Variants in NEMP2 observed in about 807,000 individuals in gnomAD.
NEMP2 encodes the protein UPF0571 transmembrane protein.
Under a neutral mutation model 54.2 loss-of-function variants are expected in NEMP2, and 53 were observed. That is an observed-to-expected ratio of 0.98 (90% CI 0.78 to 1.23). The LOEUF (loss-of-function observed/expected upper bound fraction) is 1.23. Among genes scored for constraint, NEMP2 ranks in the 50% most tolerant of loss-of-function variants. The pLI, the probability that NEMP2 is intolerant of heterozygous loss-of-function variation, is 0.00. For synonymous variants in NEMP2, 197 were observed against 190.3 expected (o/e 1.04, Z -0.29); for missense variants, 455 against 511.3 (o/e 0.89, Z 1.06).
chr2:190,618,587 T>A, the NEMP2 span, among the ~76,000 whole-genome samples: 4 of 152,220 alleles, frequency 2.6e-5, no homozygotes, highest in African/African-American at 9.7e-5. Context: ...CTACCTTTTT[T>A]TATTTTTAAT....
chr2:190,607,821 G>A, the NEMP2 span: 1 of 152,012 alleles, frequency 6.6e-6, no homozygotes, highest in South Asian at 2.1e-4. The surrounding 1 kb of genome is among the most constrained non-coding windows in gnomAD (Gnocchi z 5.2). Flanking sequence ...TTTTTCTTTT[G>A]TTGACTCATG....
At chr2:190,592,493 G>A in the NEMP2 span, among the ~76,000 whole-genome samples, 1 of 152,150 alleles carries the variant, frequency 6.6e-6, no homozygotes, top group African/African-American at 2.4e-5. This position sits in a 1 kb window ranked among gnomAD's most constrained non-coding sequence, Gnocchi z 4.4. Context: ...CTGAGTACAG[G>A]AAATAAAGAA....
At chr2:190,451,370 G>T in the NEMP2 span, among the ~76,000 whole-genome samples, 2 of 152,152 alleles carry the variant, frequency 1.3e-5, no homozygotes, top group Non-Finnish European at 2.9e-5. The surrounding 1 kb of genome is among the most constrained non-coding windows in gnomAD (Gnocchi z 5.0). Flanking sequence ...ATGAACAGTA[G>T]GTAGTATTGT....
chr2:190,578,546 A>G, the NEMP2 span, among the ~76,000 whole-genome samples: 52 of 152,172 alleles, frequency 3.4e-4, 1 homozygote, highest in Non-Finnish European at 7.3e-4. This position sits in a 1 kb window ranked among gnomAD's most constrained non-coding sequence, Gnocchi z 4.4. Flanking sequence ...TGATAATGAA[A>G]AGAAGAGGAA....
chr2:190,636,959 A>G, the NEMP2 span, among the ~76,000 whole-genome samples: 1 of 152,312 alleles, frequency 6.6e-6, no homozygotes, highest in East Asian at 1.9e-4. Flanking sequence ...ATGGCTCCCC[A>G]AAAGGGCTAG....
the NEMP2 span, among the ~76,000 whole-genome samples, chr2:190,493,516 C>A: frequency 2.0e-5 from 3 of 152,004 alleles, no homozygotes; most frequent in Non-Finnish European, 4.4e-5. Flanking sequence ...TAAACTATAC[C>A]CTGGAACAAA....
the NEMP2 span, among the ~76,000 whole-genome samples, chr2:190,647,877 G>C: frequency 6.6e-6 from 1 of 151,968 alleles, no homozygotes; most frequent in Non-Finnish European, 1.5e-5. Context: ...ACCACGCCCG[G>C]CTAATTTTGT....
chr2:190,497,470 TC>T, the NEMP2 span: 1 of 1,614,120 alleles, frequency 6.2e-7, no homozygotes, highest in Non-Finnish European at 8.5e-7. The surrounding 1 kb of genome is among the most constrained non-coding windows in gnomAD (Gnocchi z 5.2). Context: ...GAATTCCTGT[TC>T]CCTCCAGTCC....
At chr2:190,483,468 T>C in the NEMP2 span, among the ~76,000 whole-genome samples, 34 of 152,296 alleles carry the variant, frequency 2.2e-4, no homozygotes, top group African/African-American at 7.7e-4. Flanking sequence ...ACTGTACCTA[T>C]TGGAGGAATA....
the NEMP2 span, among the ~76,000 whole-genome samples, chr2:190,458,194 CCCTGAAGATTCATACGTTGAGGTCCTAA>C: frequency 7.4e-4 from 113 of 152,174 alleles, no homozygotes; most frequent in African/African-American, 2.6e-3. This position sits in a 1 kb window ranked among gnomAD's most constrained non-coding sequence, Gnocchi z 5.3. Flanking sequence ...GAATTGTGGC[CCCTGAAGATTCATACGTTGAGGTCCTAA>C]CCCACAGTAC....
chr2:190,601,383 G>A, the NEMP2 span, among the ~76,000 whole-genome samples: 67 of 152,088 alleles, frequency 4.4e-4, no homozygotes, highest in Non-Finnish European at 8.1e-4. The surrounding 1 kb of genome is among the most constrained non-coding windows in gnomAD (Gnocchi z 5.8). Flanking sequence ...TGTTTAAGCC[G>A]CTCGCTTTGT....
chr2:190,616,739 A>G, the NEMP2 span: 2 of 152,118 alleles, frequency 1.3e-5, no homozygotes, highest in African/African-American at 4.8e-5. This position sits in a 1 kb window ranked among gnomAD's most constrained non-coding sequence, Gnocchi z 5.1. Flanking sequence ...TCTCATAAAA[A>G]TTTCTCTTTA....
At chr2:190,627,944 G>GCTCCGCC in the NEMP2 span, 1 of 152,234 alleles carries the variant, frequency 6.6e-6, no homozygotes, top group African/African-American at 2.4e-5. This position sits in a 1 kb window ranked among gnomAD's most constrained non-coding sequence, Gnocchi z 4.4. Flanking sequence ...GGCCACCGCG[G>GCTCCGCC]CTCCGCCCTC....
the NEMP2 span, chr2:190,436,831 A>G: frequency 6.2e-7 from 1 of 1,614,088 alleles, no homozygotes; most frequent in Non-Finnish European, 8.5e-7. This position sits in a 1 kb window ranked among gnomAD's most constrained non-coding sequence, Gnocchi z 5.3. Flanking sequence ...TACCACCACC[A>G]AATCTTTACC....
At chr2:190,545,092 C>A in the NEMP2 span, among the ~76,000 whole-genome samples, 1 of 151,656 alleles carries the variant, frequency 6.6e-6, no homozygotes, top group Non-Finnish European at 1.5e-5. Flanking sequence ...CAAATCAAGA[C>A]CCTGTCTCAA....
chr2:190,536,302 A>G (rs1280442851), upstream of NEMP2, among the ~76,000 whole-genome samples: 2 of 152,310 alleles, frequency 1.3e-5, no homozygotes, highest in Non-Finnish European at 1.5e-5. Flanking sequence ...TTTACCACCA[A>G]CAGGATCCTG....
chr2:190,595,234 A>C, the NEMP2 span, among the ~76,000 whole-genome samples: 1 of 152,180 alleles, frequency 6.6e-6, no homozygotes, highest in Admixed American at 6.5e-5. This position sits in a 1 kb window ranked among gnomAD's most constrained non-coding sequence, Gnocchi z 4.0. Context: ...CCTTCCTTAC[A>C]CCTTATACAA....
At chr2:190,480,875 T>G in the NEMP2 span, among the ~76,000 whole-genome samples, 1 of 152,118 alleles carries the variant, frequency 6.6e-6, no homozygotes, top group Non-Finnish European at 1.5e-5. Context: ...AAAAGTAAAA[T>G]AAATTATAAA....
the NEMP2 span, among the ~76,000 whole-genome samples, chr2:190,573,756 T>C: frequency 1.5e-4 from 23 of 152,228 alleles, no homozygotes; most frequent in African/African-American, 5.3e-4. Context: ...GCATAAGATG[T>C]TGGACTAATG....
Sources: allele counts gnomAD v4.1 joint callset (sites outside exome capture counted in the v4.1 genomes callset), GRCh38; gene constraint gnomAD v4.1.1; non-coding constraint Gnocchi (gnomAD v3.1); transcripts MANE v1.5; gene names NCBI Gene and HGNC (gene_info 2026-07-23, HGNC 2026-07-21).